The following INPP4B variants were observed in gnomAD, a reference collection of about 807,000 sequenced individuals.
INPP4B encodes the protein inositol polyphosphate 4-phosphatase type II.
INPP4B carries 55 observed loss-of-function variants against 122.5 expected under a neutral mutation model. The ratio of observed to expected loss-of-function variants is 0.45; its 90% CI spans 0.36 to 0.56. The LOEUF (loss-of-function observed/expected upper bound fraction) is 0.56, where lower values mean the gene tolerates loss of function less well. Among genes scored for constraint, INPP4B ranks in the 20% least tolerant of loss-of-function variants. The pLI, the probability that INPP4B is intolerant of heterozygous loss-of-function variation, is 0.00. For synonymous variants in INPP4B, 403 were observed against 388.7 expected (o/e 1.04, Z -0.43); for missense variants, 1,000 against 1,097.7 (o/e 0.91, Z 1.26).
chr4:142,707,679 C>T (rs967120513), intron 2 of INPP4B, among the ~76,000 whole-genome samples: 1 of 152,232 alleles, frequency 6.6e-6, no homozygotes, highest in African/African-American at 2.4e-5. Context: ...TCCTGTACAA[C>T]CTGTGGAACC....
intron 7 of INPP4B, among the ~76,000 whole-genome samples, chr4:142,352,054 T>C (rs1333203116): frequency 6.6e-6 from 1 of 152,002 alleles, no homozygotes; most frequent in Non-Finnish European, 1.5e-5. Context: ...ATATAAGTAA[T>C]GAATTTCCTG....
intron 18 of INPP4B, among the ~76,000 whole-genome samples, chr4:142,137,913 T>C (rs1456056003): frequency 2.6e-5 from 4 of 151,934 alleles, no homozygotes; most frequent in South Asian, 2.1e-4. Context: ...TGTGGAGAAA[T>C]AGGAACACTT....
chr4:142,279,954 T>C (rs1386981714), intron 9 of INPP4B, among the ~76,000 whole-genome samples: 1 of 151,906 alleles, frequency 6.6e-6, no homozygotes, highest in Admixed American at 6.6e-5. Flanking sequence ...TGAACAGATA[T>C]GTTTCAAAAA....
At chr4:142,591,836 A>T (rs909978305) in intron 2 of INPP4B, among the ~76,000 whole-genome samples, 7 of 152,348 alleles carry the variant, frequency 4.6e-5, no homozygotes, top group African/African-American at 1.7e-4. Flanking sequence ...TTCTACAAAG[A>T]GCCTGACTAA....
rs1736931205 is a variant in INPP4B at position 142,026,151 on chromosome 4, G to A, written c.*2631C>T. 6.6e-6 allele frequency: 1 copy of A among 152,132 alleles called. No homozygotes were observed. The highest frequency in any genetic ancestry group is 2.4e-5 in the African/African-American group (1 of 41,436). 9.4% of individuals were successfully genotyped at this position (152,132 alleles called of 1,614,324 possible). ...ATAGGTCTGCTGGTGTATCTTTTAAGTGAAAATATAGATAGAATAGCATGA... is the reference window on the plus strand; with the variant it reads ...ATAGGTCTGCTGGTGTATCTTTTAAATGAAAATATAGATAGAATAGCATGA... On this transcript the variant is annotated 3_prime_UTR_variant, in exon 26 of 26. Coordinates refer to ENST00000262992, the MANE Select transcript of INPP4B (RefSeq NM_001101669.3).
At chr4:142,037,754 C>G (rs1744869137) in intron 25 of INPP4B, among the ~76,000 whole-genome samples, 1 of 151,986 alleles carries the variant, frequency 6.6e-6, no homozygotes, top group African/African-American at 2.4e-5. Flanking sequence ...CGTTTCAGGC[C>G]CTAGACTGTT....
chr4:142,530,631 A>G (rs1263491839), intron 2 of INPP4B, among the ~76,000 whole-genome samples: 2 of 151,756 alleles, frequency 1.3e-5, no homozygotes, highest in East Asian at 3.9e-4. Context: ...ATTAAGGCAG[A>G]AAAAAATAAT....
intron 5 of INPP4B, among the ~76,000 whole-genome samples, chr4:142,428,454 A>T (rs1000009288): frequency 2.0e-5 from 3 of 151,250 alleles, no homozygotes; most frequent in African/African-American, 7.3e-5. Flanking sequence ...AAAAAAAAAG[A>T]CCAGTCTATA....
intron 2 of INPP4B, chr4:142,473,154 G>C (rs563863798): frequency 6.6e-6 from 1 of 152,336 alleles, no homozygotes; most frequent in Non-Finnish European, 1.5e-5. Flanking sequence ...CTGATTTGTA[G>C]TTGATATTTC....
intron 6 of INPP4B, 92 bp downstream of exon 6, chr4:142,405,114 G>GGGGGA: frequency 1.5e-6 from 1 of 686,916 alleles, no homozygotes; most frequent in East Asian, 2.8e-5. Context: ...AGATGGGGCG[G>GGGGGA]GGGTGGGGGG....
At chr4:142,098,665 C>G (rs2152624505) in intron 23 of INPP4B, among the ~76,000 whole-genome samples, 1 of 152,068 alleles carries the variant, frequency 6.6e-6, no homozygotes, top group African/African-American at 2.4e-5. Flanking sequence ...TCAAGGGTGG[C>G]TATTTTTTTC....
chr4:142,825,352 T>C (rs1384364858), intron 1 of INPP4B, among the ~76,000 whole-genome samples: 1 of 152,150 alleles, frequency 6.6e-6, no homozygotes, highest in Non-Finnish European at 1.5e-5. Context: ...TTTCACTAAA[T>C]GTATTACATA....
At chr4:142,404,428 C>T (rs1420975721) in intron 6 of INPP4B, among the ~76,000 whole-genome samples, 1 of 152,154 alleles carries the variant, frequency 6.6e-6, no homozygotes, top group Admixed American at 6.5e-5. Flanking sequence ...TCTCCAGCCC[C>T]AGATGTTTAA....
At chr4:142,775,397 C>A (rs909076126) in intron 1 of INPP4B, among the ~76,000 whole-genome samples, 1 of 152,110 alleles carries the variant, frequency 6.6e-6, no homozygotes, top group African/African-American at 2.4e-5. Flanking sequence ...TCTTTGTCTG[C>A]CATTTATTTA....
chr4:142,179,020 C>A (rs1033195680), intron 15 of INPP4B, among the ~76,000 whole-genome samples: 1 of 151,982 alleles, frequency 6.6e-6, no homozygotes, highest in African/African-American at 2.4e-5. Flanking sequence ...CCCCAATGCA[C>A]CCTTTCCATT....
At chr4:142,458,988 A>G (rs1407214605) in intron 3 of INPP4B, among the ~76,000 whole-genome samples, 1 of 152,184 alleles carries the variant, frequency 6.6e-6, no homozygotes, top group Non-Finnish European at 1.5e-5. Context: ...GCAGGAACAA[A>G]AATTAAGGAC....
intron 1 of INPP4B, among the ~76,000 whole-genome samples, chr4:142,749,610 T>A (rs1769334819): frequency 6.6e-6 from 1 of 151,882 alleles, no homozygotes; most frequent in African/African-American, 2.4e-5. Context: ...AATATAACAG[T>A]GAATAATTCT....
intron 11 of INPP4B, among the ~76,000 whole-genome samples, chr4:142,248,189 G>A (rs186617714): frequency 3.1e-4 from 47 of 152,118 alleles, no homozygotes; most frequent in Non-Finnish European, 8.8e-5. Context: ...CTTTAAGAGG[G>A]TATCAGTGAA....
At position 142,061,683 on chromosome 4, in the gene INPP4B, T is replaced by C. The variant is rs1046551252; in HGVS notation, c.2642+20348A>G. On this transcript the variant is annotated intron_variant, in intron 25 of 25. Transcript: ENST00000262992. ...ACATATATCTCAGGAGTCACAACGA[T>C]TGGGTCATTTGAATGAAAATGAGGT... Among the ~76,000 whole-genome samples the C allele has an allele frequency of 7.9e-5, 12 of 151,844 alleles. No homozygotes were observed. In the East Asian group the frequency reaches 2.1e-3, roughly 27 times the overall value.
Sources: gnomAD v4.1 joint callset for allele counts (sites outside exome capture counted in the v4.1 genomes callset) on GRCh38, gnomAD v4.1.1 for gene constraint, MANE v1.5 for transcripts, NCBI Gene and HGNC (gene_info 2026-07-23, HGNC 2026-07-21) for gene names.